Variants in HIVEP3 observed in about 807,000 individuals in gnomAD.
The protein encoded by HIVEP3 is transcription factor HIVEP3.
In HIVEP3, 49 loss-of-function variants were observed where a neutral mutation model predicts 152.8. The ratio of observed to expected loss-of-function variants is 0.32; its 90% CI spans 0.26 to 0.41. The LOEUF is 0.41. Ranked by LOEUF, HIVEP3 falls within the 10% of genes least tolerant of loss-of-function variation. The pLI is 1.00. For missense variants in HIVEP3, 2,790 were observed against 3,103.3 expected (o/e 0.90, Z 2.40); for synonymous variants, 1,269 against 1,289.0 (o/e 0.98, Z 0.33).
At chr1:41,914,107 A>G (rs1174516444) in intron 1 of HIVEP3, among the ~76,000 whole-genome samples, 1 of 152,180 alleles carries the variant, frequency 6.6e-6, no homozygotes, top group Non-Finnish European at 1.5e-5. Context: ...AACACTTAGT[A>G]ATGAGGAGGG....
chr1:41,700,785 G>A (rs966970777), intron 2 of HIVEP3, 131 bp downstream of exon 2: 8 of 216,542 alleles, frequency 3.7e-5, no homozygotes, highest in Non-Finnish European at 5.5e-5. Flanking sequence ...TGTCGGTAGC[G>A]TGTGGGGCTC....
At position 41,513,409 on chromosome 1, in the gene HIVEP3, C is replaced by T. The variant is rs750023388; in HGVS notation, c.5812G>A (p.Gly1938Ser). 9 of 1,612,006 alleles carry T rather than the reference C, an allele frequency of 5.6e-6. No individual in the cohort carries two copies. In the South Asian group the frequency reaches 8.8e-5, roughly 16 times the overall value. ...SCSMSSQSMP[G>S]LPWLGPAPLG... is the part of the protein sequence containing the mutation. The stretch of plus-strand genomic sequence containing the variant: ...GGGGCCGGTCCCAGCCAGGGGAGGC[C>T]CGGCATGCTCTGGCTGGACATGGAG... The change falls in exon 8 of 9, where the codon GGC becomes AGC. Residue 1938 changes from glycine (G) to serine (S), a missense_variant. Transcript: ENST00000372583.
Position 41,982,184 on chromosome 1 carries a change from T to C in HIVEP3, n.119+53623A>G, listed in dbSNP as rs1027551227. Among the ~76,000 whole-genome samples, 18 of 152,182 alleles carry C rather than the reference T, an allele frequency of 1.2e-4. No individual in the cohort carries two copies. The South Asian group carries it at 1.4e-3, about 12-fold the overall frequency. The stretch of plus-strand genomic sequence containing the variant: ...ATACAGCATTGAAAGCGAAGCCTTA[T>C]CCATCATCCACGTCAAAGGGGCTGG... On this transcript the variant is annotated intron_variant and non_coding_transcript_variant, in intron 1 of 3. Transcript: ENST00000489103.
At chr1:41,612,499 A>G (rs1644912615) in intron 3 of HIVEP3, among the ~76,000 whole-genome samples, 1 of 152,212 alleles carries the variant, frequency 6.6e-6, no homozygotes. Context: ...TCCTCAAAAC[A>G]GCCCTCTGGG....
At chr1:42,013,044 A>T (rs190159423) in intron 1 of HIVEP3, among the ~76,000 whole-genome samples, 1 of 152,292 alleles carries the variant, frequency 6.6e-6, no homozygotes, top group Admixed American at 6.5e-5. Flanking sequence ...TATTGTCTAC[A>T]GTTCTGGAGG....
chr1:41,831,853 C>T (rs897063384), intron 1 of HIVEP3, among the ~76,000 whole-genome samples: 1 of 152,138 alleles, frequency 6.6e-6, no homozygotes, highest in Non-Finnish European at 1.5e-5. Context: ...ATCCAAACAA[C>T]AGTCAGTTTG....
chr1:41,811,627 C>A (rs182776357), intron 1 of HIVEP3, among the ~76,000 whole-genome samples: 15 of 151,944 alleles, frequency 9.9e-5, no homozygotes, highest in Admixed American at 9.2e-4. Context: ...CCCAGAGCAC[C>A]CTCCAGAGAC....
At chr1:41,843,641 AC>A (rs1643352560) in intron 1 of HIVEP3, among the ~76,000 whole-genome samples, 2 of 152,180 alleles carry the variant, frequency 1.3e-5, no homozygotes, top group African/African-American at 4.8e-5. Context: ...ACTACAGCCA[AC>A]GTGACTCACC....
intron 3 of HIVEP3, among the ~76,000 whole-genome samples, chr1:41,621,803 C>G (rs1268449443): frequency 1.3e-5 from 2 of 152,192 alleles, no homozygotes; most frequent in African/African-American, 2.4e-5. Context: ...CAGGCCTAAG[C>G]CCCCAGGCCT....
intron 2 of HIVEP3, among the ~76,000 whole-genome samples, chr1:41,654,871 C>T (rs1294471604): frequency 9.9e-5 from 15 of 152,116 alleles, no homozygotes; most frequent in Admixed American, 9.8e-4. Flanking sequence ...GTCCATTCTG[C>T]CCCTCATTTC....
chr1:41,670,025 C>T (rs925939243), intron 2 of HIVEP3, among the ~76,000 whole-genome samples: 2 of 152,190 alleles, frequency 1.3e-5, no homozygotes, highest in Non-Finnish European at 2.9e-5. Flanking sequence ...TTCCTCATAG[C>T]TAGCAGAGGC....
intron 1 of HIVEP3, among the ~76,000 whole-genome samples, chr1:42,020,651 A>G (rs1645548444): frequency 6.6e-6 from 1 of 152,224 alleles, no homozygotes; most frequent in South Asian, 2.1e-4. Context: ...TCATTCAAAA[A>G]TATGTATTGG....
At position 41,941,746 on chromosome 1, in the gene HIVEP3, G is replaced by C. The variant is rs1178983965; in HGVS notation, n.120-23222C>G. On this transcript the variant is annotated intron_variant and non_coding_transcript_variant, in intron 1 of 3. Transcript: ENST00000489103. ...TTTTTATTTTGTCCAGCAAAGTCCAGCTGATCAAAAGGGCATGAAGAAGCC... is the reference window on the plus strand; with the variant it reads ...TTTTTATTTTGTCCAGCAAAGTCCACCTGATCAAAAGGGCATGAAGAAGCC... Among the ~76,000 whole-genome samples, 3 of 152,298 alleles carry C rather than the reference G, an allele frequency of 2.0e-5. No individual in the cohort carries two copies. The East Asian group carries it at 5.8e-4, about 29-fold the overall frequency.
intron 1 of HIVEP3, among the ~76,000 whole-genome samples, chr1:41,963,253 C>T (rs1049662413): frequency 2.0e-5 from 3 of 152,110 alleles, no homozygotes; most frequent in Non-Finnish European, 4.4e-5. Context: ...CCTCGTGATC[C>T]GCCTGCCTCG....
chr1:41,831,733 GGCTGCCTGTGCACCAGGCATGA>G (rs1175819363), intron 1 of HIVEP3, among the ~76,000 whole-genome samples: 1 of 152,196 alleles, frequency 6.6e-6, no homozygotes, highest in Non-Finnish European at 1.5e-5. Context: ...CACTGGTTGA[GGCTGCCTGTGCACCAGGCATGA>G]GTCTGTGCTC....
At chr1:41,618,724 G>A (rs1645004537) in intron 3 of HIVEP3, among the ~76,000 whole-genome samples, 1 of 152,190 alleles carries the variant, frequency 6.6e-6, no homozygotes, top group Non-Finnish European at 1.5e-5. Flanking sequence ...AGGGACCTTG[G>A]AAGTTATCTA....
intron 2 of HIVEP3, among the ~76,000 whole-genome samples, chr1:41,655,028 T>C (rs1645608160): frequency 6.6e-6 from 1 of 152,174 alleles, no homozygotes; most frequent in Admixed American, 6.5e-5. Flanking sequence ...CCCTGTCCCA[T>C]GCAGCTATTA....
At position 41,507,029 on chromosome 1, in the gene HIVEP3, A is replaced by G. The variant is rs1044097462; in HGVS notation, c.*3422T>C. 2.0e-5 allele frequency: 3 copies of G among 152,080 alleles called. No homozygotes were observed. The highest frequency in any genetic ancestry group is 7.2e-5 in the African/African-American group (3 of 41,398). 9.4% of individuals were successfully genotyped at this position (152,080 alleles called of 1,614,324 possible). A position where few individuals can be genotyped will look rare whatever the true frequency, so the allele number is the denominator to read the frequency against. On this transcript the variant is annotated 3_prime_UTR_variant, in exon 9 of 9. Transcript: ENST00000372583. ...GAATTGGTGGAACAGGCTTTCGGGA[A>G]CTTTCTTCCCCTGGTCACACGGCAG...
intron 4 of HIVEP3, 47 bp from the exon 5 acceptor site, chr1:41,575,736 T>C: frequency 1.2e-6 from 2 of 1,600,818 alleles, no homozygotes; most frequent in Non-Finnish European, 1.7e-6. Context: ...TAAAAGTGCA[T>C]CCTCAGTCAC....
Sources: allele counts gnomAD v4.1 joint callset (sites outside exome capture counted in the v4.1 genomes callset), GRCh38; gene constraint gnomAD v4.1.1; transcripts MANE v1.5; gene names NCBI Gene and HGNC (gene_info 2026-07-23, HGNC 2026-07-21).